The following E2F6 variants were observed in gnomAD, a reference collection of about 807,000 sequenced individuals.
E2F6 encodes the protein E2F transcription factor 6.
E2F6 carries 19 observed loss-of-function variants against 31.5 expected under a neutral mutation model. The ratio of observed to expected loss-of-function variants is 0.60; its 90% CI spans 0.42 to 0.89. E2F6 has a LOEUF of 0.89. Ranked by LOEUF, E2F6 falls within the 40% of genes least tolerant of loss-of-function variation. The pLI is 0.00. For missense variants in E2F6, 269 were observed against 341.6 expected, an observed-to-expected ratio of 0.79 and a Z score of 1.67; for synonymous variants, 121 against 127.7, an observed-to-expected ratio of 0.95 and a Z score of 0.36.
Position 11,462,882 on chromosome 2 carries a change from T to C in E2F6, c.108+2890A>G, listed in dbSNP as rs542470336. Among the ~76,000 whole-genome samples the C allele has an allele frequency of 2.3e-4, 35 of 152,282 alleles. No homozygotes were observed. The East Asian group carries it at 6.6e-3, about 29-fold the overall frequency. Reference sequence around the variant, plus strand: ...ATAGTTTGGGGGACCACAGGTTAACTGAAATAAAGAAAAGTGAAACCTCAG... The same window carrying C: ...ATAGTTTGGGGGACCACAGGTTAACCGAAATAAAGAAAAGTGAAACCTCAG... On this transcript the variant is annotated intron_variant, in intron 1 of 6. Coordinates refer to ENST00000381525, the MANE Select transcript of E2F6 (RefSeq NM_198256.4).
At chr2:11,447,883 T>A in intron 5 of E2F6, 109 bp from the exon 6 acceptor site, 2 of 1,300,836 alleles carry the variant, frequency 1.5e-6, no homozygotes, top group Non-Finnish European at 1.1e-6. Flanking sequence ...ACCTTAGCTG[T>A]AGTCACATTA....
intron 1 of E2F6, among the ~76,000 whole-genome samples, chr2:11,465,178 C>CAAAAAAAAAAAAAAAAAA (rs59561027): frequency 1.1e-4 from 10 of 88,592 alleles, no homozygotes; most frequent in Non-Finnish European, 1.7e-4. Context: ...AACTCAATCT[C>CAAAAAAAAAAAAAAAAAA]AAAAAAAAAA....
rs1670709685 is a variant in E2F6, at chr2:11,446,354, T to C, written c.*123A>G. 2 of 681,476 alleles carry C rather than the reference T, an allele frequency of 2.9e-6. No individual in the cohort carries two copies. Among genetic ancestry groups the C allele is most frequent in the East Asian group, 2.8e-5 (1 of 35,660 alleles). The allele number at this position is 681,476 out of a possible 1,614,324, so 42.2% of individuals were successfully genotyped here. On this transcript the variant is annotated 3_prime_UTR_variant, in exon 7 of 7. Transcript: ENST00000381525. Reference sequence around the variant, plus strand: ...TCCTCAAAGACACTACTGGCCATGATGCCGCTACTGAGAACGAGAGCACTT... The same window carrying C: ...TCCTCAAAGACACTACTGGCCATGACGCCGCTACTGAGAACGAGAGCACTT...
intron 5 of E2F6, 71 bp downstream of exon 5, chr2:11,449,941 C>T: frequency 8.3e-7 from 1 of 1,211,872 alleles, no homozygotes; most frequent in Admixed American, 1.8e-5. Context: ...AGTATGACTG[C>T]AATAAATCAC....
intron 1 of E2F6, among the ~76,000 whole-genome samples, chr2:11,465,190 A>AAAG (rs1553336832): frequency 1.8e-4 from 26 of 148,078 alleles, no homozygotes; most frequent in African/African-American, 6.4e-4. Flanking sequence ...AAAAAAAAAA[A>AAAG]AAAAAAGAAA....
intron 2 of E2F6, 132 bp downstream of exon 2, chr2:11,457,047 A>T (rs746776201): frequency 6.8e-5 from 49 of 722,250 alleles, no homozygotes; most frequent in Non-Finnish European, 1.1e-4. Flanking sequence ...TAAAACTTGC[A>T]ACTTTACATT....
At chr2:11,460,479 T>C (rs555645410) in intron 1 of E2F6, among the ~76,000 whole-genome samples, 1 of 152,270 alleles carries the variant, frequency 6.6e-6, no homozygotes, top group South Asian at 2.1e-4. Context: ...GCCTCCCAGG[T>C]TCTCATGCTA....
intron 2 of E2F6, chr2:11,455,556 A>C: frequency 2.3e-6 from 2 of 869,140 alleles, no homozygotes; most frequent in Non-Finnish European, 3.3e-6. Context: ...CAACAAACTC[A>C]GGAAGATTAC....
In E2F6 at chr2:11,465,716, G is replaced by C. The variant is rs1206781243; in HGVS notation, c.108+56C>G. ...AGCGGGGTTGGCGGCGGCGCGGGGA[G>C]GAGGGGGCCGGATTTGGGAGACCAC... On this transcript the variant is annotated intron_variant, in intron 1 of 6. Coordinates refer to ENST00000381525, the MANE Select transcript of E2F6 (RefSeq NM_198256.4). 2.2e-5 allele frequency: 33 copies of C among 1,531,938 alleles called. 1 individual carries two copies. In the Admixed American group the frequency reaches 6.3e-4, roughly 29 times the overall value. 94.9% of individuals were successfully genotyped at this position (1,531,938 alleles called of 1,614,324 possible). A position where few individuals can be genotyped will look rare whatever the true frequency, so the allele number is the denominator to read the frequency against.
In E2F6 at chr2:11,445,162, T is replaced by C. The variant is rs1670643252; in HGVS notation, c.*1315A>G. ...TTTTGGATTCCGATTTTAAATCTTT[T>C]TAAACACAGTCTGAATTTGAAGTCG... On this transcript the variant is annotated 3_prime_UTR_variant, in exon 7 of 7. Transcript: ENST00000381525. 6.6e-6 allele frequency: 1 copy of C among 152,228 alleles called. No homozygotes were observed. The highest frequency in any genetic ancestry group is 2.4e-5 in the African/African-American group (1 of 41,460). 9.4% of individuals were successfully genotyped at this position (152,228 alleles called of 1,614,324 possible).
rs1204683787 is a variant in E2F6 at position 11,446,372 on chromosome 2, G to C, written c.*105C>G. 9.7e-6 allele frequency: 8 copies of C among 822,878 alleles called. No individual in the cohort carries two copies. The highest frequency in any genetic ancestry group is 1.6e-5 in the Non-Finnish European group (8 of 493,654). 51.0% of individuals were successfully genotyped at this position (822,878 alleles called of 1,614,324 possible). On this transcript the variant is annotated 3_prime_UTR_variant, in exon 7 of 7. Coordinates refer to ENST00000381525, the MANE Select transcript of E2F6 (RefSeq NM_198256.4). ...GCCATGATGCCGCTACTGAGAACGAGAGCACTTCATGGATAATTTATTGCT... is the reference window on the plus strand; with the variant it reads ...GCCATGATGCCGCTACTGAGAACGACAGCACTTCATGGATAATTTATTGCT...
chr2:11,451,914 C>T (rs1160037740), intron 3 of E2F6, 108 bp from the exon 4 acceptor site: 8 of 1,086,908 alleles, frequency 7.4e-6, no homozygotes, highest in Non-Finnish European at 1.1e-5. Flanking sequence ...GTGTTTTCCA[C>T]AACAATAGAA....
At chr2:11,460,560 C>T (rs1161458743) in intron 1 of E2F6, among the ~76,000 whole-genome samples, 1 of 152,196 alleles carries the variant, frequency 6.6e-6, no homozygotes, top group East Asian at 1.9e-4. Flanking sequence ...TGTGGGGCTT[C>T]TCAGCCTCCA....
In E2F6 at chr2:11,459,983, T is replaced by C. The variant is rs1572510742; in HGVS notation, c.109-2750A>G. ...ACAAAATGAAAATCACTCAGGCTGA[T>C]CTTGTGCCCTGACAGAGTATACAGC... On this transcript the variant is annotated intron_variant, in intron 1 of 6. Coordinates refer to ENST00000381525, the MANE Select transcript of E2F6 (RefSeq NM_198256.4). Among the ~76,000 whole-genome samples the C allele has an allele frequency of 4.6e-5, 7 of 152,308 alleles. No homozygotes were observed. The South Asian group carries it at 1.2e-3, about 27-fold the overall frequency.
Position 11,459,711 on chromosome 2 carries a change from C to T in E2F6, c.109-2478G>A, listed in dbSNP as rs1279035702. Among the ~76,000 whole-genome samples the T allele has an allele frequency of 2.0e-4, 31 of 151,840 alleles. 1 individual carries two copies. Among genetic ancestry groups the T allele is most frequent in the Admixed American group, 1.8e-3 (28 of 15,240 alleles). ...AGCCTGGCCAACATAGTGAAATCCC[C>T]GTCTCTACTAAAAATACAAAAAATT... On this transcript the variant is annotated intron_variant, in intron 1 of 6. Transcript: ENST00000381525.
chr2:11,454,977 G>A (rs2148347740), intron 2 of E2F6, among the ~76,000 whole-genome samples: 1 of 152,264 alleles, frequency 6.6e-6, no homozygotes, highest in Non-Finnish European at 1.5e-5. Flanking sequence ...TTAGAAATTA[G>A]ACCATCTCCA....
At chr2:11,454,173 T>A (rs1388259257) in intron 2 of E2F6, among the ~76,000 whole-genome samples, 2 of 152,188 alleles carry the variant, frequency 1.3e-5, no homozygotes, top group Non-Finnish European at 2.9e-5. Context: ...TCTCATTTGG[T>A]CTTCAAGTTA....
At chr2:11,450,973 G>T (rs186724388) in intron 4 of E2F6, among the ~76,000 whole-genome samples, 47 of 151,818 alleles carry the variant, frequency 3.1e-4, no homozygotes, top group African/African-American at 1.1e-3. Flanking sequence ...GGCTCCCCCA[G>T]CCCCACCCCC....
intron 3 of E2F6, among the ~76,000 whole-genome samples, chr2:11,452,093 G>A (rs377710517): frequency 1.4e-4 from 22 of 152,130 alleles, no homozygotes; most frequent in African/African-American, 4.3e-4. Flanking sequence ...AAAGGGCACT[G>A]AACTAAGAGT....
Sources: allele counts gnomAD v4.1 joint callset (sites outside exome capture counted in the v4.1 genomes callset), GRCh38; gene constraint gnomAD v4.1.1; transcripts MANE v1.5; gene names NCBI Gene and HGNC (gene_info 2026-07-23, HGNC 2026-07-21).